Variants in AQR observed in about 807,000 individuals in gnomAD.
AQR encodes the protein RNA helicase aquarius.
In AQR, 61 loss-of-function variants were observed where a neutral mutation model predicts 180.5. The observed-to-expected ratio is 0.34, with a 90% CI of 0.28 to 0.42. The LOEUF (loss-of-function observed/expected upper bound fraction) is 0.42, where lower values mean the gene tolerates loss of function less well. Ranked by LOEUF, AQR falls within the 10% of genes least tolerant of loss-of-function variation. AQR has a pLI of 1.00. For synonymous variants in AQR, 551 were observed against 588.8 expected (o/e 0.94, Z 0.93); for missense variants, 1,281 against 1,798.3 (o/e 0.71, Z 5.20).
intron 6 of AQR, chr15:34,943,456 T>A: frequency 2.1e-6 from 1 of 471,928 alleles, no homozygotes; most frequent in Admixed American, 4.0e-5. Context: ...AATAAATAAA[T>A]AAATAAATAA....
intron 26 of AQR, among the ~76,000 whole-genome samples, chr15:34,884,297 C>T (rs1215941340): frequency 2.6e-5 from 4 of 151,870 alleles, no homozygotes; most frequent in Non-Finnish European, 4.4e-5. Context: ...ATCCCAGCTG[C>T]TCGGAAGCTG....
chr15:34,901,398 T>G (rs1160295879), intron 19 of AQR, among the ~76,000 whole-genome samples: 1 of 151,778 alleles, frequency 6.6e-6, no homozygotes, highest in Non-Finnish European at 1.5e-5. Context: ...GCGAACAAAA[T>G]GATAAAAATA....
chr15:34,905,347 TTAA>T (rs1893395985), intron 18 of AQR, among the ~76,000 whole-genome samples: 1 of 151,900 alleles, frequency 6.6e-6, no homozygotes, highest in African/African-American at 2.4e-5. Context: ...CAGTTGTAAT[TTAA>T]TAATAAGTAT....
intron 32 of AQR, among the ~76,000 whole-genome samples, chr15:34,866,595 G>A (rs1184266076): frequency 6.6e-6 from 1 of 152,026 alleles, no homozygotes; most frequent in Non-Finnish European, 1.5e-5. Context: ...GGGGGCGGAA[G>A]GAGTATTCAT....
intron 3 of AQR, among the ~76,000 whole-genome samples, chr15:34,954,023 T>C (rs1017331856): frequency 1.3e-5 from 2 of 152,208 alleles, no homozygotes; most frequent in African/African-American, 4.8e-5. Context: ...CAAGCAATTC[T>C]TGTGCCTCAG....
At chr15:34,906,763 T>C (rs1339500448) in intron 17 of AQR, 51 bp from the exon 18 acceptor site, 1 of 1,564,596 alleles carries the variant, frequency 6.4e-7, no homozygotes, top group Non-Finnish European at 8.7e-7. Context: ...TTGTTTTCAG[T>C]CTTTTGTAGG....
At chr15:34,923,783 T>C (rs1893715512) in intron 13 of AQR, among the ~76,000 whole-genome samples, 2 of 152,208 alleles carry the variant, frequency 1.3e-5, no homozygotes, top group African/African-American at 4.8e-5. Flanking sequence ...GATCTATACA[T>C]CTATCCATGT....
chr15:34,872,846 A>G (rs1892840384), intron 30 of AQR, among the ~76,000 whole-genome samples: 1 of 152,068 alleles, frequency 6.6e-6, no homozygotes, highest in Admixed American at 6.6e-5. Flanking sequence ...CTGTAAAGAG[A>G]GAGAGAAAAA....
intron 3 of AQR, among the ~76,000 whole-genome samples, chr15:34,958,232 G>C (rs1266072252): frequency 1.3e-5 from 2 of 151,744 alleles, no homozygotes; most frequent in African/African-American, 2.4e-5. Flanking sequence ...ATAACGGTAG[G>C]GGCTGGGTGT....
intron 25 of AQR, among the ~76,000 whole-genome samples, chr15:34,884,962 C>G (rs1051326146): frequency 6.6e-6 from 1 of 152,158 alleles, no homozygotes; most frequent in African/African-American, 2.4e-5. Context: ...TAACAAATTT[C>G]TACAAACTGG....
At chr15:34,867,670 T>C in intron 31 of AQR, 61 bp from the exon 32 acceptor site, 1 of 1,156,458 alleles carries the variant, frequency 8.6e-7, no homozygotes, top group South Asian at 1.3e-5. Context: ...CTAGAGATCA[T>C]TTAAATAATG....
At chr15:34,903,433 G>A (rs564171759) in intron 19 of AQR, among the ~76,000 whole-genome samples, 11 of 152,252 alleles carry the variant, frequency 7.2e-5, no homozygotes, top group Admixed American at 1.3e-4. Context: ...GACAAGAAAG[G>A]AGGCAGGGAT....
At chr15:34,960,883 ATGAG>A (rs1230115612) in intron 2 of AQR, 69 bp from the exon 3 acceptor site, 14 of 551,068 alleles carry the variant, frequency 2.5e-5, no homozygotes, top group Non-Finnish European at 4.3e-5. Context: ...ACAGTTTTTA[ATGAG>A]TGAGATTATA....
chr15:34,944,352 C>T lies in AQR; in HGVS notation c.407G>A (p.Gly136Asp). The T allele has an allele frequency of 6.2e-7, 1 of 1,610,800 alleles. No homozygotes were observed. Among genetic ancestry groups the T allele is most frequent in the Non-Finnish European group, 8.5e-7 (1 of 1,178,552 alleles). ...ILKAALAETD[G>D]EFSLHEQTVL... ...TGTCTGTTCATGAAGTGAAAATTCA[C>T]CATCAGTTTCAGCTAATGCCGCCTT... The change falls in exon 6 of 35, where the codon GGT (glycine) becomes GAT (aspartate). Residue 136 changes from glycine to aspartate, a missense_variant. Around this residue, in one of 9 missense-constraint regions of AQR, gnomAD observed 404 missense variants for 490.9 expected, o/e 0.82. Coordinates refer to ENST00000156471, the MANE Select transcript of AQR (RefSeq NM_014691.3).
intron 2 of AQR, among the ~76,000 whole-genome samples, chr15:34,963,077 GTCAGTCAT>G (rs2050288920): frequency 6.6e-6 from 1 of 152,122 alleles, no homozygotes. Flanking sequence ...CCTGGGCTCA[GTCAGTCAT>G]CCTCCCGCTT....
At chr15:34,881,531 CAA>C (rs1480625121) in intron 27 of AQR, among the ~76,000 whole-genome samples, 1 of 152,158 alleles carries the variant, frequency 6.6e-6, no homozygotes, top group South Asian at 2.1e-4. Context: ...GTATCACTAG[CAA>C]AGTCACAAAA....
chr15:34,918,400 C>T, intron 14 of AQR, 22 bp from the exon 15 acceptor site: 3 of 1,608,934 alleles, frequency 1.9e-6, no homozygotes, highest in Admixed American at 1.7e-5. Flanking sequence ...GAAACAAGTT[C>T]ATGCAGAAGG....
intron 22 of AQR, among the ~76,000 whole-genome samples, chr15:34,894,904 C>T (rs2140473338): frequency 6.6e-6 from 1 of 151,780 alleles, no homozygotes; most frequent in Non-Finnish European, 1.5e-5. Context: ...GTGGCTCACA[C>T]CTGTAATCTC....
intron 6 of AQR, among the ~76,000 whole-genome samples, chr15:34,942,380 C>T (rs752858022): frequency 1.3e-5 from 2 of 152,224 alleles, no homozygotes; most frequent in South Asian, 2.1e-4. Flanking sequence ...AGTTGTCCGA[C>T]GTGCACATTC....
Sources: gnomAD v4.1 joint callset for allele counts (sites outside exome capture counted in the v4.1 genomes callset) on GRCh38, gnomAD v4.1.1 for gene constraint, gnomAD v4.1.1 regional missense constraint, MANE v1.5 for transcripts, NCBI Gene and HGNC (gene_info 2026-07-23, HGNC 2026-07-21) for gene names.